The following PTPRD variants were observed in gnomAD, a reference collection of about 807,000 sequenced individuals.
PTPRD encodes receptor-type tyrosine-protein phosphatase delta.
In PTPRD, 34 loss-of-function variants were observed where a neutral mutation model predicts 214.5. The observed-to-expected ratio is 0.16, with a 90% confidence interval of 0.12 to 0.21. PTPRD has a LOEUF of 0.21. Ranked by LOEUF, PTPRD falls within the 10% of genes least tolerant of loss-of-function variation. The pLI is 1.00. For synonymous variants in PTPRD, 1,128 were observed against 845.7 expected (o/e 1.33, Z -5.79); for missense variants, 2,545 against 2,398.7 (o/e 1.06, Z -1.27).
chr9:10,563,801 CTG>C (rs562316253), intron 2 of PTPRD, among the ~76,000 whole-genome samples: 74 of 151,712 alleles, frequency 4.9e-4, no homozygotes, highest in African/African-American at 1.6e-3. Context: ...TTTGAAGTAA[CTG>C]TATTATATCA....
chr9:9,642,797 A>G (rs1228208729), intron 7 of PTPRD, among the ~76,000 whole-genome samples: 1 of 152,200 alleles, frequency 6.6e-6, no homozygotes, highest in East Asian at 1.9e-4. Flanking sequence ...ATCTTGCAAA[A>G]CAGGTATTAT....
intron 2 of PTPRD, among the ~76,000 whole-genome samples, chr9:10,553,346 A>ATT (rs35758149): frequency 1.7e-4 from 25 of 146,560 alleles, no homozygotes; most frequent in Middle Eastern, 3.5e-3. Flanking sequence ...AACAATCTTT[A>ATT]TTTTTTTTTT....
intron 14 of PTPRD, among the ~76,000 whole-genome samples, chr9:8,615,176 A>G (rs894136404): frequency 2.0e-5 from 3 of 152,052 alleles, no homozygotes; most frequent in African/African-American, 2.4e-5. Context: ...AGCAACTCCA[A>G]CTTCAAAGGC....
At chr9:9,264,666 C>T (rs1938249041) in intron 9 of PTPRD, among the ~76,000 whole-genome samples, 1 of 151,442 alleles carries the variant, frequency 6.6e-6, no homozygotes, top group South Asian at 2.1e-4. Context: ...AAGGTATAAA[C>T]ATCCAGATAC....
chr9:9,887,505 A>T (rs1289926401), intron 5 of PTPRD, among the ~76,000 whole-genome samples: 2 of 152,176 alleles, frequency 1.3e-5, no homozygotes, highest in African/African-American at 4.8e-5. Flanking sequence ...AGCATGAAGC[A>T]GCTGATCTTA....
chr9:9,828,333 G>C (rs961884304), intron 5 of PTPRD, among the ~76,000 whole-genome samples: 1 of 152,130 alleles, frequency 6.6e-6, no homozygotes, highest in Non-Finnish European at 1.5e-5. Flanking sequence ...CATAAAAAAG[G>C]ATGAGTTCAA....
chr9:10,584,699 A>G (rs1345957555), intron 2 of PTPRD, among the ~76,000 whole-genome samples: 2 of 152,342 alleles, frequency 1.3e-5, no homozygotes, highest in East Asian at 1.9e-4. Flanking sequence ...ATCAGTAGAA[A>G]TAAGTCGCTG....
intron 2 of PTPRD, among the ~76,000 whole-genome samples, chr9:10,558,324 A>G (rs916432281): frequency 1.3e-5 from 2 of 152,192 alleles, no homozygotes; most frequent in African/African-American, 2.4e-5. Context: ...GATATTAATT[A>G]TAAGTAGATG....
intron 33 of PTPRD, among the ~76,000 whole-genome samples, chr9:8,455,849 T>C (rs971848176): frequency 1.2e-4 from 18 of 152,200 alleles, no homozygotes; most frequent in African/African-American, 4.3e-4. Flanking sequence ...AACCATCTAG[T>C]GAATTATCAG....
chr9:9,621,323 A>C (rs990532798), intron 7 of PTPRD, among the ~76,000 whole-genome samples: 1 of 152,092 alleles, frequency 6.6e-6, no homozygotes, highest in African/African-American at 2.4e-5. Context: ...TCTCTTCCTG[A>C]AGGGTGCTGC....
intron 2 of PTPRD, among the ~76,000 whole-genome samples, chr9:10,441,122 G>A (rs993132143): frequency 1.3e-5 from 2 of 151,562 alleles, no homozygotes; most frequent in Non-Finnish European, 3.0e-5. Context: ...CCAGTCTCAT[G>A]TCCTCCAATT....
chr9:9,816,823 C>A (rs1381464170), intron 5 of PTPRD, among the ~76,000 whole-genome samples: 1 of 151,878 alleles, frequency 6.6e-6, no homozygotes, highest in Non-Finnish European at 1.5e-5. Context: ...ATAGTAAGAG[C>A]TGGATCTCTC....
At chr9:10,065,082 G>A (rs763684983) in intron 3 of PTPRD, among the ~76,000 whole-genome samples, 2 of 148,392 alleles carry the variant, frequency 1.3e-5, no homozygotes, top group African/African-American at 5.0e-5. Flanking sequence ...AGATTGCTAC[G>A]CTGTCTCTGG....
chr9:9,049,909 G>T (rs2099681415), intron 10 of PTPRD, among the ~76,000 whole-genome samples: 1 of 152,202 alleles, frequency 6.6e-6, no homozygotes, highest in Admixed American at 6.5e-5. Context: ...AAACAAGTTT[G>T]TAAAGCCACA....
chr9:9,613,129 TAC>T (rs1465848900), intron 7 of PTPRD, among the ~76,000 whole-genome samples: 648 of 41,346 alleles, frequency 0.016, 53 homozygotes, highest in African/African-American at 0.039. Flanking sequence ...GCAGTATACA[TAC>T]ATACATATAT....
chr9:10,216,859 G>T (rs905657009), intron 3 of PTPRD, among the ~76,000 whole-genome samples: 3 of 151,950 alleles, frequency 2.0e-5, no homozygotes, highest in Admixed American at 2.0e-4. Flanking sequence ...TCGTTAGAGG[G>T]ATAGGAGTCT....
Position 8,507,446 on chromosome 9 carries a change from G to T in PTPRD, c.1544-12C>A. 1.2e-6 allele frequency: 2 copies of T among 1,613,656 alleles called. No individual in the cohort carries two copies. Among genetic ancestry groups the T allele is most frequent in the Non-Finnish European group, 1.7e-6 (2 of 1,179,660 alleles). ...TGGCTGCCCTGGTACTAAAAACAGG[G>T]AGGCAATGGATTGAACTCACAATCA... On this transcript the variant is annotated splice_polypyrimidine_tract_variant and intron_variant, in intron 21 of 45. Transcript: ENST00000381196.
chr9:9,107,755 T>C (rs867331316), intron 10 of PTPRD, among the ~76,000 whole-genome samples: 36 of 152,198 alleles, frequency 2.4e-4, no homozygotes, highest in African/African-American at 8.2e-4. Flanking sequence ...ACAGAGATGA[T>C]AGCACATTCT....
At chr9:10,313,216 C>T (rs751442557) in intron 3 of PTPRD, among the ~76,000 whole-genome samples, 2 of 151,932 alleles carry the variant, frequency 1.3e-5, no homozygotes, top group Admixed American at 6.6e-5. Flanking sequence ...GAAACCATCC[C>T]GATAATTCCT....
Sources: gnomAD v4.1 joint callset for allele counts (sites outside exome capture counted in the v4.1 genomes callset) on GRCh38, gnomAD v4.1.1 for gene constraint, MANE v1.5 for transcripts, NCBI Gene and HGNC (gene_info 2026-07-23, HGNC 2026-07-21) for gene names.